SEC23B: variants seen among roughly 807,000 people sequenced by gnomAD.
The protein encoded by SEC23B is SEC23 homolog B, COPII component.
A neutral mutation model predicts 104.3 loss-of-function variants in SEC23B; 77 were observed. The observed-to-expected ratio is 0.74, with a 90% CI of 0.61 to 0.89. The LOEUF (loss-of-function observed/expected upper bound fraction) is 0.89. Ranked by LOEUF, SEC23B falls within the 40% of genes least tolerant of loss-of-function variation. The pLI is 0.00. For synonymous variants in SEC23B, 338 were observed against 332.5 expected, an observed-to-expected ratio of 1.02 and a Z score of -0.18; for missense variants, 885 against 949.4, an observed-to-expected ratio of 0.93 and a Z score of 0.89.
chr20:18,523,044 G>A (rs914015551), intron 4 of SEC23B, among the ~76,000 whole-genome samples: 1 of 150,792 alleles, frequency 6.6e-6, no homozygotes, highest in South Asian at 2.1e-4. Context: ...TCCAGCCTGG[G>A]TGACAGAGCG....
intron 12 of SEC23B, among the ~76,000 whole-genome samples, chr20:18,538,361 T>G (rs2060256260): frequency 6.6e-6 from 1 of 150,926 alleles, no homozygotes; most frequent in Admixed American, 6.6e-5. Flanking sequence ...GCCATTCTCC[T>G]GCCTCAGCCT....
chr20:18,515,421 C>T (rs1444684260), intron 3 of SEC23B, among the ~76,000 whole-genome samples: 1 of 152,050 alleles, frequency 6.6e-6, no homozygotes, highest in Admixed American at 6.5e-5. Context: ...AGTGATCCTC[C>T]CACCTCAGCC....
chr20:18,538,577 A>G (rs1237751375), intron 12 of SEC23B, among the ~76,000 whole-genome samples: 2 of 152,106 alleles, frequency 1.3e-5, no homozygotes, highest in Non-Finnish European at 2.9e-5. Flanking sequence ...TAAGGCAACA[A>G]TGAAATTTGC....
At chr20:18,531,573 T>C (rs1191475977) in intron 10 of SEC23B, among the ~76,000 whole-genome samples, 6 of 150,130 alleles carry the variant, frequency 4.0e-5, no homozygotes, top group African/African-American at 1.5e-4. Context: ...GGAGAATGGC[T>C]TGTACGTAGG....
chr20:18,554,959 CAGTAAAACAATTCTAATTAGATTACTG>C, intron 18 of SEC23B, 122 bp from the exon 19 acceptor site: 7 of 82,936 alleles, frequency 8.4e-5, no homozygotes, highest in Non-Finnish European at 2.1e-4. Flanking sequence ...GATTACTGTG[CAGTAAAACAATTCTAATTAGATTACTG>C]TGCAGTAAAA....
At chr20:18,531,652 C>CAAAAAA (rs11482973) in intron 10 of SEC23B, among the ~76,000 whole-genome samples, 4 of 99,512 alleles carry the variant, frequency 4.0e-5, no homozygotes, top group Non-Finnish European at 5.5e-5. Flanking sequence ...GAAACTGTCT[C>CAAAAAA]AAAAAAAAAA....
At chr20:18,556,672 G>A (rs2122183266) in intron 19 of SEC23B, among the ~76,000 whole-genome samples, 1 of 152,206 alleles carries the variant, frequency 6.6e-6, no homozygotes, top group Non-Finnish European at 1.5e-5. Flanking sequence ...TCTAGTCATT[G>A]TTATTTCCTC....
At chr20:18,555,346 G>A (rs1000621926) in intron 19 of SEC23B, among the ~76,000 whole-genome samples, 173 bp downstream of exon 19, 4 of 151,774 alleles carry the variant, frequency 2.6e-5, no homozygotes, top group Non-Finnish European at 5.9e-5. Flanking sequence ...TTACTGGGCC[G>A]GAGGTTGAGG....
chr20:18,528,010 C>T (rs1193694406), intron 9 of SEC23B, among the ~76,000 whole-genome samples: 2 of 152,170 alleles, frequency 1.3e-5, no homozygotes, highest in African/African-American at 4.8e-5. Flanking sequence ...TTGTGACTAA[C>T]TCCAAGTGCA....
At chr20:18,522,950 C>T (rs1688859351) in intron 4 of SEC23B, among the ~76,000 whole-genome samples, 1 of 151,828 alleles carries the variant, frequency 6.6e-6, no homozygotes, top group African/African-American at 2.4e-5. Flanking sequence ...ACCTATAGTC[C>T]CAGCTACTTG....
chr20:18,524,016 A>G (rs1050895130), intron 4 of SEC23B, among the ~76,000 whole-genome samples: 2 of 152,004 alleles, frequency 1.3e-5, no homozygotes, highest in African/African-American at 4.8e-5. Context: ...CTCATATGCT[A>G]CTTTCTAAAT....
intron 1 of SEC23B, among the ~76,000 whole-genome samples, chr20:18,508,965 C>T (rs1436395571): frequency 6.6e-6 from 1 of 152,196 alleles, no homozygotes; most frequent in East Asian, 1.9e-4. Flanking sequence ...AGGTCATCCA[C>T]CGGCCTCGGT....
chr20:18,552,611 C>G (rs1361036610), intron 17 of SEC23B, among the ~76,000 whole-genome samples: 1 of 152,162 alleles, frequency 6.6e-6, no homozygotes, highest in Non-Finnish European at 1.5e-5. Context: ...GTCAGGAGTT[C>G]AAGACCAGTC....
chr20:18,554,826 CA>C (rs34982139), intron 18 of SEC23B, among the ~76,000 whole-genome samples: 45 of 120,248 alleles, frequency 3.7e-4, no homozygotes, highest in Middle Eastern at 4.5e-3. Context: ...GACTCCGTCT[CA>C]AAAAAAAAAA....
At chr20:18,536,564 T>C (rs1414291519) in intron 12 of SEC23B, among the ~76,000 whole-genome samples, 4 of 152,016 alleles carry the variant, frequency 2.6e-5, no homozygotes, top group African/African-American at 7.2e-5. Flanking sequence ...TGTTGGTGGG[T>C]GCCTGTAGTC....
intron 19 of SEC23B, 43 bp from the exon 20 acceptor site, chr20:18,560,608 C>A: frequency 6.7e-7 from 1 of 1,484,832 alleles, no homozygotes; most frequent in Non-Finnish European, 9.4e-7. Context: ...TTCTAATCAG[C>A]TTCTAAGATA....
rs897997163 is a variant in SEC23B at position 18,510,995 on chromosome 20, G to A, written c.160G>A (p.Val54Ile). Residue 54 changes from valine (V) to isoleucine (I), a missense_variant, in exon 2 of 20, where the codon GTA becomes ATA. By Grantham distance (29) the Val-to-Ile change is conservative (BLOSUM62 3). Transcript: ENST00000650089. ...GAAAGAACGTCCAGACCTACCTCCT[G>A]TACAATATGAACCTGTGCTTTGCAG... Reference protein sequence around the residue: ...PLKERPDLPPVQYEPVLCSRP... With the variant: ...PLKERPDLPPIQYEPVLCSRP... The A allele has an allele frequency of 5.0e-6, 8 of 1,614,028 alleles. No homozygotes were observed. The highest frequency in any genetic ancestry group is 5.1e-6 in the Non-Finnish European group (6 of 1,180,030).
At position 18,546,657 on chromosome 20, in the gene SEC23B, T is replaced by C. The variant is rs2060335509; in HGVS notation, c.1743+624T>C. Reference sequence around the variant, plus strand: ...ACTGAGTATTAAATATTTAGCACAATGCCAGTAACCTGTTCAGCACTAAAT... The same window carrying C: ...ACTGAGTATTAAATATTTAGCACAACGCCAGTAACCTGTTCAGCACTAAAT... On this transcript the variant is annotated intron_variant, in intron 15 of 19. Transcript: ENST00000650089. 2.0e-5 allele frequency among the ~76,000 whole-genome samples: 3 copies of C among 152,178 alleles called. No homozygotes were observed. The South Asian group carries it at 6.2e-4, about 32-fold the overall frequency.
intron 3 of SEC23B, among the ~76,000 whole-genome samples, chr20:18,512,631 AT>A (rs2059991647): frequency 6.6e-6 from 1 of 152,136 alleles, no homozygotes; most frequent in Non-Finnish European, 1.5e-5. Flanking sequence ...ATATTACTGA[AT>A]TTTCATTTTC....
Sources: allele counts gnomAD v4.1 joint callset (sites outside exome capture counted in the v4.1 genomes callset), GRCh38; gene constraint gnomAD v4.1.1; transcripts MANE v1.5; gene names NCBI Gene and HGNC (gene_info 2026-07-23, HGNC 2026-07-21).